Variants in KIAA1549L observed in about 807,000 individuals in gnomAD.
KIAA1549L encodes the protein UPF0606 protein KIAA1549L.
KIAA1549L carries 88 observed loss-of-function variants against 160.7 expected under a neutral mutation model. That is an observed-to-expected ratio of 0.55 (90% CI 0.46 to 0.65). KIAA1549L has a LOEUF of 0.65. KIAA1549L is among the 30% of genes least tolerant of loss of function. KIAA1549L has a pLI of 0.00. For missense variants in KIAA1549L, 2,258 were observed against 2,437.5 expected (o/e 0.93, Z 1.55); for synonymous variants, 950 against 976.7 (o/e 0.97, Z 0.51).
intron 16 of KIAA1549L, among the ~76,000 whole-genome samples, chr11:33,645,422 G>GT (rs1287003049): frequency 6.6e-6 from 1 of 152,126 alleles, no homozygotes; most frequent in Non-Finnish European, 1.5e-5. Flanking sequence ...TCTCGAGTCT[G>GT]TTACACTAAC....
At chr11:33,616,637 G>A (rs2133345712) in intron 15 of KIAA1549L, among the ~76,000 whole-genome samples, 1 of 152,266 alleles carries the variant, frequency 6.6e-6, no homozygotes, top group East Asian at 1.9e-4. Context: ...AAGGCTAATG[G>A]CAAGGGTAAT....
At chr11:33,630,428 C>G (rs568063519) in intron 16 of KIAA1549L, among the ~76,000 whole-genome samples, 1 of 151,724 alleles carries the variant, frequency 6.6e-6, no homozygotes, top group African/African-American at 2.4e-5. Flanking sequence ...TAGCAATCAG[C>G]GAGACTCCGT....
chr11:33,572,989 G>A (rs561030838), intron 9 of KIAA1549L, among the ~76,000 whole-genome samples: 1 of 152,348 alleles, frequency 6.6e-6, no homozygotes, highest in African/African-American at 2.4e-5. Context: ...AGCCGTGCTG[G>A]TGGGTATAGA....
At chr11:33,407,166 A>G (rs375518607) in intron 1 of KIAA1549L, among the ~76,000 whole-genome samples, 57 of 131,436 alleles carry the variant, frequency 4.3e-4, no homozygotes, top group South Asian at 1.7e-3. Context: ...CTCACTACAA[A>G]CTCCGCCTCC....
chr11:33,668,253 G>A lies in KIAA1549L; in HGVS notation c.*99G>A, dbSNP rs1590473530. On this transcript the variant is annotated 3_prime_UTR_variant, in exon 21 of 21. Coordinates refer to ENST00000658780, the MANE Select transcript of KIAA1549L (RefSeq NM_012194.3). The stretch of plus-strand genomic sequence containing the variant: ...TAGGACTTGAGACATAGCAATGGGT[G>A]AGTCTTTCTCACCCTCCATTTCTGA... 3.6e-6 allele frequency: 4 copies of A among 1,120,880 alleles called. No individual in the cohort carries two copies. The highest frequency in any genetic ancestry group is 3.8e-6 in the Non-Finnish European group (3 of 786,378). 69.4% of individuals were successfully genotyped at this position (1,120,880 alleles called of 1,614,324 possible).
chr11:33,544,391 C>G (rs1854161476), intron 2 of KIAA1549L, 55 bp downstream of exon 2: 1 of 1,564,772 alleles, frequency 6.4e-7, no homozygotes, highest in East Asian at 2.2e-5. Flanking sequence ...ACAGGCATGA[C>G]TGCTTTTGTG....
intron 1 of KIAA1549L, among the ~76,000 whole-genome samples, chr11:33,406,760 C>G (rs950898012): frequency 1.3e-5 from 2 of 152,196 alleles, no homozygotes; most frequent in African/African-American, 4.8e-5. Context: ...AGGCACCTAC[C>G]AGGATGCAGT....
chr11:33,449,688 G>A (rs1327232429), intron 1 of KIAA1549L, among the ~76,000 whole-genome samples: 1 of 151,886 alleles, frequency 6.6e-6, no homozygotes, highest in Non-Finnish European at 1.5e-5. Context: ...CTGACCTTAC[G>A]GTTGCATCTT....
chr11:33,609,879 A>G lies in KIAA1549L; in HGVS notation c.5192A>G (p.Lys1731Arg). ...AGCAAGGGTCTGACCGAAAGAAAGA[A>G]GATGTATGAAAAAGCCCCGAAGGAA... ...ETSKGLTERK[K>R]MYEKAPKEME... The change falls in exon 15 of 21, where the codon AAG (lysine) becomes AGG (arginine). Residue 1731 changes from lysine (K) to arginine (R), a missense_variant. Transcript: ENST00000658780. 6.2e-7 allele frequency: 1 copy of G among 1,613,988 alleles called. No individual in the cohort carries two copies.
Position 33,568,678 on chromosome 11 carries a change from CA to C in KIAA1549L, c.4230+453del, listed in dbSNP as rs1245748198. ...TCTGTTACCTGTATGTAGTCAGTTT[CA>C]ACAAACAGAACCCTCCAAGCTTATA... is the stretch of plus-strand genomic sequence containing the variant. On this transcript the variant is annotated intron_variant, in intron 9 of 20. Coordinates refer to ENST00000658780, the MANE Select transcript of KIAA1549L (RefSeq NM_012194.3). 2.0e-5 allele frequency among the ~76,000 whole-genome samples: 3 copies of C among 152,158 alleles called. No homozygotes were observed. The East Asian group carries it at 5.8e-4, about 29-fold the overall frequency.
chr11:33,513,126 G>A (rs1330933957), intron 1 of KIAA1549L, among the ~76,000 whole-genome samples: 1 of 152,178 alleles, frequency 6.6e-6, no homozygotes, highest in African/African-American at 2.4e-5. Context: ...AGTGTCAGCT[G>A]GGAAGCTTTC....
chr11:33,542,672 G>A lies in KIAA1549L; in HGVS notation c.1109G>A (p.Gly370Glu). ...ALGSLLQLPD[G>E]SPSWSMLEVA... ...GGAAGTCTTCTTCAGCTTCCAGATGGAAGCCCCTCATGGTCAATGTTGGAA... is the reference window on the plus strand; with the variant it reads ...GGAAGTCTTCTTCAGCTTCCAGATGAAAGCCCCTCATGGTCAATGTTGGAA... Residue 370 changes from glycine to glutamate, a missense_variant, in exon 2 of 21, where the codon GGA becomes GAA. Physicochemically the swap from Gly to Glu is moderately conservative, Grantham distance 98. Around this residue, in one of 6 missense-constraint regions of KIAA1549L, gnomAD observed 540 missense variants for 465.7 expected, o/e 1.16. Coordinates refer to ENST00000658780, the MANE Select transcript of KIAA1549L (RefSeq NM_012194.3). 1 of 1,613,802 alleles carries A rather than the reference G, an allele frequency of 6.2e-7. No homozygotes were observed.
intron 1 of KIAA1549L, among the ~76,000 whole-genome samples, chr11:33,523,035 A>G (rs2133129842): frequency 6.6e-6 from 1 of 152,362 alleles, no homozygotes; most frequent in South Asian, 2.1e-4. Flanking sequence ...ATATAATCTG[A>G]AATATGACAA....
At chr11:33,624,202 C>G (rs1055467881) in intron 16 of KIAA1549L, among the ~76,000 whole-genome samples, 4 of 152,208 alleles carry the variant, frequency 2.6e-5, no homozygotes, top group African/African-American at 9.7e-5. Flanking sequence ...TGCATATGTA[C>G]TCTAGAATGG....
chr11:33,487,402 C>CTTTTTTTTTTT (rs112165825), intron 1 of KIAA1549L, among the ~76,000 whole-genome samples: 3 of 85,544 alleles, frequency 3.5e-5, no homozygotes, highest in Non-Finnish European at 4.9e-5. Flanking sequence ...GTCTATTGTT[C>CTTTTTTTTTTT]TTTTTTTTTT....
intron 5 of KIAA1549L, among the ~76,000 whole-genome samples, 186 bp downstream of exon 5, chr11:33,551,445 C>A (rs1300832529): frequency 6.6e-6 from 1 of 152,138 alleles, no homozygotes; most frequent in Non-Finnish European, 1.5e-5. Context: ...CTCTTCCAAC[C>A]CTAGATTTGT....
chr11:33,518,868 G>A (rs906369126), intron 1 of KIAA1549L, among the ~76,000 whole-genome samples: 1 of 152,156 alleles, frequency 6.6e-6, no homozygotes, highest in Non-Finnish European at 1.5e-5. Flanking sequence ...TTTTGATTTG[G>A]GAATATTTAC....
chr11:33,487,310 G>T (rs1852549826), intron 1 of KIAA1549L, among the ~76,000 whole-genome samples: 1 of 152,112 alleles, frequency 6.6e-6, no homozygotes, highest in African/African-American at 2.4e-5. Flanking sequence ...GAGATGGAAG[G>T]TGGTATGTAC....
In KIAA1549L at chr11:33,668,137, T is replaced by G. The variant is rs776284350; in HGVS notation, c.6424T>G (p.Phe2142Val). 2.5e-6 allele frequency: 4 copies of G among 1,613,618 alleles called. 1 individual carries two copies. In the South Asian group the frequency reaches 4.4e-5, roughly 18 times the overall value. Residue 2142 changes from phenylalanine (F) to valine (V), a missense_variant, in exon 21 of 21, where the codon TTT becomes GTT. Transcript: ENST00000658780. ...AKLAKKQTDM[F>V]EFQV Reference sequence around the variant, plus strand: ...GCTGGCCAAAAAACAGACAGACATGTTTGAGTTCCAGGTCTAACGCCTTAG... The same window carrying G: ...GCTGGCCAAAAAACAGACAGACATGGTTGAGTTCCAGGTCTAACGCCTTAG...
Sources: gnomAD v4.1 joint callset for allele counts (sites outside exome capture counted in the v4.1 genomes callset) on GRCh38, gnomAD v4.1.1 for gene constraint, gnomAD v4.1.1 regional missense constraint, MANE v1.5 for transcripts, NCBI Gene and HGNC (gene_info 2026-07-23, HGNC 2026-07-21) for gene names.